The following SLC22A15 variants were observed in gnomAD, a reference collection of about 807,000 sequenced individuals.
SLC22A15 encodes solute carrier family 22 member 15, also known as flipt 1.
SLC22A15 carries 45 observed loss-of-function variants against 62.7 expected under a neutral mutation model. That is an observed-to-expected ratio of 0.72 (90% CI 0.56 to 0.92). The LOEUF (loss-of-function observed/expected upper bound fraction) is 0.92. Ranked by LOEUF, SLC22A15 falls within the 40% of genes least tolerant of loss-of-function variation. SLC22A15 has a pLI of 0.00. For synonymous variants in SLC22A15, 264 were observed against 267.0 expected (o/e 0.99, Z 0.11); for missense variants, 622 against 665.6 (o/e 0.93, Z 0.72).
At position 116,069,212 on chromosome 1, in the gene SLC22A15, C is replaced by T. The variant is rs1658563773; in HGVS notation, c.*2104C>T. On this transcript the variant is annotated 3_prime_UTR_variant, in exon 12 of 12. Coordinates refer to ENST00000369503, the MANE Select transcript of SLC22A15 (RefSeq NM_018420.3). ...ATAAGGCTAGGCTGGCCATCAGTTG[C>T]TTATTTCAGATGTGTCACTAAATTT... 6.6e-6 allele frequency: 1 copy of T among 152,070 alleles called. No individual in the cohort carries two copies. The highest frequency in any genetic ancestry group is 2.4e-5 in the African/African-American group (1 of 41,418). 9.4% of individuals were successfully genotyped at this position (152,070 alleles called of 1,614,324 possible).
chr1:116,061,743 A>G (rs1658385410), intron 8 of SLC22A15, among the ~76,000 whole-genome samples: 1 of 152,206 alleles, frequency 6.6e-6, no homozygotes, highest in Admixed American at 6.5e-5. Flanking sequence ...AATAAAGGAA[A>G]AAAAATAAGA....
At chr1:115,992,316 C>A in intron 2 of SLC22A15, 73 bp downstream of exon 2, 1 of 1,287,590 alleles carries the variant, frequency 7.8e-7, no homozygotes, top group Non-Finnish European at 1.1e-6. Flanking sequence ...TTTTGTCTTG[C>A]TGATTTAAAT....
At chr1:116,009,966 A>G (rs1310446333) in intron 2 of SLC22A15, among the ~76,000 whole-genome samples, 1 of 152,164 alleles carries the variant, frequency 6.6e-6, no homozygotes, top group Non-Finnish European at 1.5e-5. Context: ...CCTGCACCTT[A>G]TTACACTTGG....
intron 3 of SLC22A15, 80 bp from the exon 4 acceptor site, chr1:116,020,641 T>C: frequency 1.8e-6 from 2 of 1,093,878 alleles, no homozygotes; most frequent in Non-Finnish European, 2.5e-6. Context: ...ATTTATTTTA[T>C]AAGCTAATGA....
intron 8 of SLC22A15, among the ~76,000 whole-genome samples, chr1:116,047,683 A>C (rs1657961098): frequency 6.6e-6 from 1 of 152,142 alleles, no homozygotes; most frequent in African/African-American, 2.4e-5. Context: ...GAAAAGGGGG[A>C]GAGTACTACA....
intron 2 of SLC22A15, among the ~76,000 whole-genome samples, chr1:115,996,788 A>G (rs1404245575): frequency 3.9e-5 from 6 of 152,058 alleles, no homozygotes; most frequent in Non-Finnish European, 7.4e-5. Context: ...GATTCAAATG[A>G]TATATTTTGT....
intron 8 of SLC22A15, among the ~76,000 whole-genome samples, chr1:116,042,768 T>C (rs1052565737): frequency 2.6e-5 from 4 of 152,196 alleles, no homozygotes; most frequent in Non-Finnish European, 5.9e-5. Flanking sequence ...ACTATCACTT[T>C]CTCAATGATT....
chr1:116,013,958 T>C (rs949228962), intron 2 of SLC22A15: 1 of 152,286 alleles, frequency 6.6e-6, no homozygotes, highest in African/African-American at 2.4e-5. Flanking sequence ...TAATGGCCTT[T>C]GATGGATCTT....
chr1:116,037,234 A>T, intron 7 of SLC22A15, 69 bp from the exon 8 acceptor site: 1 of 1,309,282 alleles, frequency 7.6e-7, no homozygotes, highest in Non-Finnish European at 1.1e-6. Context: ...TTAAATAAGA[A>T]GGTTGGGAAG....
intron 9 of SLC22A15, among the ~76,000 whole-genome samples, chr1:116,063,775 G>T (rs1225630916): frequency 1.3e-5 from 2 of 152,114 alleles, no homozygotes; most frequent in Non-Finnish European, 2.9e-5. Flanking sequence ...GAACTTTTCA[G>T]CTGGGATTAC....
intron 8 of SLC22A15, among the ~76,000 whole-genome samples, chr1:116,055,786 C>G (rs2101548861): frequency 7.0e-6 from 1 of 143,716 alleles, no homozygotes; most frequent in East Asian, 2.0e-4. Flanking sequence ...AGCATATAAA[C>G]AGAACCAAAG....
intron 6 of SLC22A15, among the ~76,000 whole-genome samples, chr1:116,034,616 A>C (rs548915960): frequency 6.6e-6 from 1 of 152,194 alleles, no homozygotes; most frequent in Admixed American, 6.5e-5. Context: ...TATCATGTGC[A>C]CCTGCTGAAT....
intron 2 of SLC22A15, among the ~76,000 whole-genome samples, chr1:116,014,712 T>C (rs1331551496): frequency 6.6e-6 from 1 of 152,194 alleles, no homozygotes; most frequent in Non-Finnish European, 1.5e-5. Context: ...CTCAACAGCA[T>C]TTGAATGACT....
At position 116,067,136 on chromosome 1, in the gene SLC22A15, A is replaced by G; in HGVS notation, c.*28A>G. 1 of 1,575,576 alleles carries G rather than the reference A, an allele frequency of 6.3e-7. No homozygotes were observed. The highest frequency in any genetic ancestry group is 8.7e-7 in the Non-Finnish European group (1 of 1,151,396). On this transcript the variant is annotated 3_prime_UTR_variant, in exon 12 of 12. Coordinates refer to ENST00000369503, the MANE Select transcript of SLC22A15 (RefSeq NM_018420.3). The stretch of plus-strand genomic sequence containing the variant: ...AGCCCCAGATTCCCCCTAAGAAGCA[A>G]AGGATCGTCTTTTATGCCTCTGGCT...
At chr1:115,992,461 T>C (rs1655198244) in intron 2 of SLC22A15, among the ~76,000 whole-genome samples, 1 of 152,120 alleles carries the variant, frequency 6.6e-6, no homozygotes, top group African/African-American at 2.4e-5. Context: ...CTTTCCAAAC[T>C]AGTTAGATGA....
Position 116,037,216 on chromosome 1 carries a change from G to A in SLC22A15, c.1086-87G>A, listed in dbSNP as rs545002721. The A allele has an allele frequency of 1.7e-4, 204 of 1,183,252 alleles. 3 individuals are homozygous for A. The South Asian group carries it at 2.3e-3, about 13-fold the overall frequency. The allele number at this position is 1,183,252 out of a possible 1,614,324, so 73.3% of individuals were successfully genotyped here. ...GGAGATGAACATATATAATGAAACTGAAGATTTTTAAATAAGAAGGTTGGG... is the reference window on the plus strand; with the variant it reads ...GGAGATGAACATATATAATGAAACTAAAGATTTTTAAATAAGAAGGTTGGG... On this transcript the variant is annotated intron_variant, in intron 7 of 11. Transcript: ENST00000369503.
chr1:115,984,773 T>C (rs1232779534), intron 1 of SLC22A15, among the ~76,000 whole-genome samples: 1 of 152,124 alleles, frequency 6.6e-6, no homozygotes, highest in Non-Finnish European at 1.5e-5. Context: ...GCAGAGACAG[T>C]GGTATTGATC....
intron 2 of SLC22A15, among the ~76,000 whole-genome samples, chr1:116,004,709 G>A (rs1002776677): frequency 6.6e-6 from 1 of 152,146 alleles, no homozygotes; most frequent in Non-Finnish European, 1.5e-5. Flanking sequence ...ATTGGAAAGT[G>A]TTCCCTTCTT....
At chr1:116,000,806 A>G (rs973619244) in intron 2 of SLC22A15, among the ~76,000 whole-genome samples, 1 of 150,486 alleles carries the variant, frequency 6.6e-6, no homozygotes, top group South Asian at 2.1e-4. Flanking sequence ...AATTTTTTGT[A>G]TTTTTTTAGT....
Sources: gnomAD v4.1 joint callset for allele counts (sites outside exome capture counted in the v4.1 genomes callset) on GRCh38, gnomAD v4.1.1 for gene constraint, MANE v1.5 for transcripts, NCBI Gene and HGNC (gene_info 2026-07-23, HGNC 2026-07-21) for gene names.